The following CCNH variants were observed in gnomAD, a reference collection of about 807,000 sequenced individuals.
CCNH encodes the protein cyclin-H.
In CCNH, 31 loss-of-function variants were observed where a neutral mutation model predicts 41.9. That is an observed-to-expected ratio of 0.74 (90% CI 0.56 to 1.00). CCNH has a LOEUF of 1.00. Ranked by LOEUF, CCNH falls within the 50% of genes least tolerant of loss-of-function variation. The pLI is 0.00. For synonymous variants in CCNH, 138 were observed against 136.1 expected (o/e 1.01, Z -0.10); for missense variants, 362 against 388.4 (o/e 0.93, Z 0.57).
At chr5:87,412,095 C>A (rs1412718302) in intron 1 of CCNH, among the ~76,000 whole-genome samples, 1 of 152,150 alleles carries the variant, frequency 6.6e-6, no homozygotes, top group East Asian at 1.9e-4. Flanking sequence ...GTTTCCAGAA[C>A]GGAAATCTGA....
intron 9 of CCNH, among the ~76,000 whole-genome samples, chr5:87,327,459 A>G (rs913314560): frequency 4.6e-5 from 7 of 152,344 alleles, no homozygotes; most frequent in East Asian, 1.9e-4. Flanking sequence ...TAAAAAATGT[A>G]AAGACTTGGC....
Position 87,408,099 on chromosome 5 carries a change from A to G in CCNH, c.402T>C (p.Leu134=), listed in dbSNP as rs780032243. 12 of 1,613,404 alleles carry G rather than the reference A, an allele frequency of 7.4e-6. No individual in the cohort carries two copies. The highest frequency in any genetic ancestry group is 1.0e-5 in the Non-Finnish European group (12 of 1,179,406). Reference sequence around the variant, plus strand: ...TCTGTTCAAGTGCCTTCTCCTGTCCAAGAGGACTCTCCCGGAGGTTTCCAA... The same window carrying G: ...TCTGTTCAAGTGCCTTCTCCTGTCCGAGAGGACTCTCCCGGAGGTTTCCAA... ...QFVGNLRESP[L]GQEKALEQIL... is the part of the protein sequence containing the mutation. The change falls in exon 4 of 9, where the codon CTT becomes CTC. Residue 134 remains leucine, a synonymous_variant. Transcript: ENST00000256897.
At chr5:87,320,326 T>C (rs1756693380) in intron 9 of CCNH, among the ~76,000 whole-genome samples, 1 of 152,246 alleles carries the variant, frequency 6.6e-6, no homozygotes, top group African/African-American at 2.4e-5. Context: ...GGTATCTTTA[T>C]AGCAGTGCCA....
chr5:87,374,540 A>G (rs1319028730), downstream of CCNH, among the ~76,000 whole-genome samples: 2 of 149,512 alleles, frequency 1.3e-5, no homozygotes, highest in Non-Finnish European at 3.0e-5. Context: ...AGTTATTAAC[A>G]TGAATTAGCA....
chr5:87,409,462 A>C, intron 2 of CCNH, 99 bp from the exon 3 acceptor site: 1 of 639,508 alleles, frequency 1.6e-6, no homozygotes, highest in Middle Eastern at 4.2e-4. Flanking sequence ...TTCTTTGTAG[A>C]GATTACCCAG....
At chr5:87,386,602 G>A (rs1762079118), downstream of CCNH, among the ~76,000 whole-genome samples, 1 of 151,972 alleles carries the variant, frequency 6.6e-6, no homozygotes, top group Non-Finnish European at 1.5e-5. Context: ...TATACTAGAA[G>A]GAAAATACTG....
At chr5:87,407,884 C>T (rs1258191024) in intron 4 of CCNH, 92 bp downstream of exon 4, 5 of 943,762 alleles carry the variant, frequency 5.3e-6, no homozygotes, top group African/African-American at 3.3e-5. Context: ...GCTATAACAA[C>T]GAGGATGATT....
chr5:87,394,569 C>T, intron 8 of CCNH, 85 bp from the exon 9 acceptor site: 1 of 1,588,798 alleles, frequency 6.3e-7, no homozygotes, highest in Non-Finnish European at 8.5e-7. Context: ...AGAAAATGTT[C>T]TCCTCCTTTT....
exon 10 of CCNH, chr5:87,318,882 C>T (rs1162454281): frequency 6.6e-6 from 1 of 152,264 alleles, no homozygotes; most frequent in Non-Finnish European, 1.5e-5. Flanking sequence ...AAGGCAAGTC[C>T]ATTCCACCTA....
chr5:87,346,849 C>T (rs1758900174), intron 9 of CCNH: 4 of 657,644 alleles, frequency 6.1e-6, no homozygotes, highest in South Asian at 5.8e-5. Flanking sequence ...AATTTCGTGT[C>T]CAGTACTAAG....
intron 9 of CCNH, among the ~76,000 whole-genome samples, chr5:87,331,673 C>T (rs1181832672): frequency 2.0e-5 from 3 of 152,092 alleles, no homozygotes; most frequent in Admixed American, 6.5e-5. Flanking sequence ...TGAATGTTTA[C>T]ATTTTTTGTT....
At chr5:87,331,335 GT>G in intron 9 of CCNH, 1 of 1,589,470 alleles carries the variant, frequency 6.3e-7, no homozygotes, top group Non-Finnish European at 8.6e-7. Flanking sequence ...TATCTTCTCT[GT>G]TTTTCCCCTA....
rs181602410 is a variant in CCNH at position 87,385,595 on chromosome 5, T to C, written c.*90+7175A>G. 2.1e-3 allele frequency among the ~76,000 whole-genome samples: 324 copies of C among 152,222 alleles called. 1 individual carries two copies. The highest frequency in any genetic ancestry group is 7.6e-3 in the African/African-American group (316 of 41,566). ...TTAAAAAACACAAATTTAGCCATTA[T>C]AGAAAACGAATTTTTCAAGGTCCAG... is the stretch of plus-strand genomic sequence containing the variant. On this transcript the variant is annotated intron_variant and NMD_transcript_variant, in intron 9 of 9. Coordinates refer to the CCNH transcript ENST00000645953.
At chr5:87,399,328 G>T in intron 7 of CCNH, 66 bp downstream of exon 7, 2 of 1,177,394 alleles carry the variant, frequency 1.7e-6, no homozygotes, top group Non-Finnish European at 1.3e-6. Context: ...CCAATAAAAT[G>T]ATTTACGAAC....
downstream of CCNH, chr5:87,374,386 T>A: frequency 6.8e-7 from 1 of 1,461,886 alleles, no homozygotes; most frequent in Non-Finnish European, 9.3e-7. Flanking sequence ...TTCTGTTTTT[T>A]TGGTCTCTGT....
At chr5:87,340,767 A>G (rs1240441106) in intron 9 of CCNH, among the ~76,000 whole-genome samples, 1 of 152,138 alleles carries the variant, frequency 6.6e-6, no homozygotes, top group Non-Finnish European at 1.5e-5. Context: ...GTAGAAAGCA[A>G]AAAGTGGAAA....
intron 9 of CCNH, among the ~76,000 whole-genome samples, chr5:87,342,677 C>T (rs868490841): frequency 3.3e-5 from 5 of 152,126 alleles, no homozygotes; most frequent in African/African-American, 1.2e-4. Flanking sequence ...AATATTCACT[C>T]ACGGTGTTAG....
chr5:87,386,108 CT>C (rs775355040), intron 9 of CCNH, among the ~76,000 whole-genome samples: 3 of 151,868 alleles, frequency 2.0e-5, no homozygotes, highest in Non-Finnish European at 2.9e-5. Context: ...GGGTACTATA[CT>C]TTTTTCTTTT....
At chr5:87,394,918 T>G in intron 8 of CCNH, 126 bp downstream of exon 8, 1 of 1,537,834 alleles carries the variant, frequency 6.5e-7, no homozygotes, top group Non-Finnish European at 8.7e-7. Flanking sequence ...TAAGGAAGTA[T>G]GCAAAAAATG....
Sources: gnomAD v4.1 joint callset for allele counts (sites outside exome capture counted in the v4.1 genomes callset) on GRCh38, gnomAD v4.1.1 for gene constraint, MANE v1.5 for transcripts, NCBI Gene and HGNC (gene_info 2026-07-23, HGNC 2026-07-21) for gene names.